Variants in MCTP1 observed in about 807,000 individuals in gnomAD.
MCTP1 encodes the protein multiple C2 and transmembrane domain containing 1, also known as multiple C2 and transmembrane domain-containing protein 1.
A neutral mutation model predicts 120.6 loss-of-function variants in MCTP1; 69 were observed. The ratio of observed to expected loss-of-function variants is 0.57; its 90% confidence interval spans 0.47 to 0.70. The LOEUF (loss-of-function observed/expected upper bound fraction) is 0.70. MCTP1 is among the 30% of genes least tolerant of loss of function. The probability of loss-of-function intolerance (pLI) is 0.00; values close to 1 mark genes in which losing one functional copy is unlikely to be tolerated. For missense variants in MCTP1, 1,203 were observed against 1,248.8 expected, an observed-to-expected ratio of 0.96 and a Z score of 0.55; for synonymous variants, 529 against 493.1, an observed-to-expected ratio of 1.07 and a Z score of -0.96.
At chr5:94,777,249 G>A (rs115523801) in intron 19 of MCTP1, among the ~76,000 whole-genome samples, 2,011 of 152,178 alleles carry the variant, frequency 0.013, 53 homozygotes, top group Admixed American at 0.057. Context: ...GTTAGAAGCA[G>A]GGTGTCAATT....
intron 2 of MCTP1, among the ~76,000 whole-genome samples, chr5:94,986,124 A>G (rs1830385103): frequency 6.6e-6 from 1 of 152,180 alleles, no homozygotes; most frequent in South Asian, 2.1e-4. Context: ...AGCATTTGAA[A>G]AGCATTGTTT....
intron 1 of MCTP1, among the ~76,000 whole-genome samples, chr5:95,142,958 A>G (rs186426292): frequency 6.6e-6 from 1 of 152,370 alleles, no homozygotes; most frequent in Admixed American, 6.5e-5. Flanking sequence ...TATAAACTAT[A>G]AACACCACTG....
chr5:94,704,767 C>CAT lies in MCTP1; in HGVS notation c.*2727_*2728dup, dbSNP rs921387297. The CAT allele has an allele frequency of 8.6e-5, 13 of 150,550 alleles. No individual in the cohort carries two copies. Among genetic ancestry groups the CAT allele is most frequent in the African/African-American group, 3.2e-4 (13 of 41,252 alleles). The allele number at this position is 150,550 out of a possible 1,614,324, so 9.3% of individuals were successfully genotyped here. A position where few individuals can be genotyped will look rare whatever the true frequency, so the allele number is the denominator to read the frequency against. The stretch of plus-strand genomic sequence containing the variant: ...TCTCCCAACTCAGATTATCCTAGTG[C>CAT]ATATAGAATGTTCAAAAACTGATTG... On this transcript the variant is annotated 3_prime_UTR_variant, in exon 23 of 23. Transcript: ENST00000515393.
intron 18 of MCTP1, among the ~76,000 whole-genome samples, chr5:94,790,037 C>T (rs1778557644): frequency 6.6e-6 from 1 of 151,982 alleles, no homozygotes; most frequent in Non-Finnish European, 1.5e-5. Context: ...TGAGGAGGAC[C>T]CACAGTGAGC....
intron 10 of MCTP1, among the ~76,000 whole-genome samples, chr5:94,902,755 A>T (rs1167727081): frequency 6.6e-6 from 1 of 152,160 alleles, no homozygotes; most frequent in Non-Finnish European, 1.5e-5. Flanking sequence ...GACATCACAA[A>T]ATGCTAAATG....
At chr5:94,979,055 C>T (rs1393909834) in intron 2 of MCTP1, 1 of 152,006 alleles carries the variant, frequency 6.6e-6, no homozygotes, top group African/African-American at 2.4e-5. Context: ...CCATTTCAGA[C>T]ATGGCCATAG....
At chr5:94,824,770 G>A (rs1786565666) in intron 17 of MCTP1, among the ~76,000 whole-genome samples, 1 of 152,152 alleles carries the variant, frequency 6.6e-6, no homozygotes, top group African/African-American at 2.4e-5. Flanking sequence ...TCTTGGGAGG[G>A]TGTATGTGTC....
chr5:94,785,611 TTAA>T (rs1000957335), intron 18 of MCTP1, among the ~76,000 whole-genome samples: 1 of 152,122 alleles, frequency 6.6e-6, no homozygotes, highest in Non-Finnish European at 1.5e-5. Flanking sequence ...ATTTTATACA[TTAA>T]TAACAGAGTA....
intron 1 of MCTP1, chr5:95,081,914 A>C: frequency 1.3e-6 from 1 of 778,986 alleles, no homozygotes; most frequent in Non-Finnish European, 1.6e-6. Context: ...GCACAAAGAA[A>C]ACTATTCTGC....
intron 19 of MCTP1, among the ~76,000 whole-genome samples, chr5:94,744,937 C>T (rs1199173826): frequency 6.6e-6 from 1 of 152,234 alleles, no homozygotes; most frequent in African/African-American, 2.4e-5. Flanking sequence ...CCTGCCTGTG[C>T]TGTGCAAACT....
At chr5:94,959,009 T>C (rs1823436990) in intron 2 of MCTP1, among the ~76,000 whole-genome samples, 1 of 152,048 alleles carries the variant, frequency 6.6e-6, no homozygotes, top group Non-Finnish European at 1.5e-5. Context: ...AACATTGATG[T>C]GAAAATCCTC....
At chr5:95,166,917 CTT>C (rs386404479) in intron 1 of MCTP1, among the ~76,000 whole-genome samples, 28 of 137,808 alleles carry the variant, frequency 2.0e-4, no homozygotes, top group East Asian at 2.2e-4. Flanking sequence ...CCTTTCTATT[CTT>C]TTTTTTTTTT....
intron 19 of MCTP1, among the ~76,000 whole-genome samples, chr5:94,736,951 T>G (rs536164607): frequency 1.3e-5 from 2 of 152,154 alleles, no homozygotes; most frequent in Non-Finnish European, 2.9e-5. Flanking sequence ...CCAACAGACA[T>G]GGAGACCCTG....
chr5:94,903,592 T>C (rs183604262), intron 10 of MCTP1, among the ~76,000 whole-genome samples: 1 of 152,320 alleles, frequency 6.6e-6, no homozygotes, highest in East Asian at 1.9e-4. Flanking sequence ...TCTTATCATA[T>C]ACCATTAATA....
At chr5:94,883,182 A>G (rs12518206) in intron 12 of MCTP1, among the ~76,000 whole-genome samples, 11,175 of 152,262 alleles carry the variant, frequency 0.073, 426 homozygotes, top group Non-Finnish European at 0.085. Context: ...TTTATATAGT[A>G]TTAATACATT....
chr5:94,948,581 G>A (rs1819704076), intron 3 of MCTP1, among the ~76,000 whole-genome samples: 1 of 152,022 alleles, frequency 6.6e-6, no homozygotes, highest in Non-Finnish European at 1.5e-5. Flanking sequence ...CCTTGGTTTG[G>A]GTGCTCTATG....
intron 17 of MCTP1, among the ~76,000 whole-genome samples, chr5:94,858,984 A>T (rs1006659823): frequency 6.6e-6 from 1 of 151,592 alleles, no homozygotes; most frequent in Non-Finnish European, 1.5e-5. Flanking sequence ...TGACATTCCC[A>T]CTGTGGAGAA....
intron 12 of MCTP1, among the ~76,000 whole-genome samples, chr5:94,885,980 C>G (rs1192556364): frequency 6.6e-6 from 1 of 152,116 alleles, no homozygotes; most frequent in Non-Finnish European, 1.5e-5. Flanking sequence ...GAGTTAATCT[C>G]TTTTTTAAAT....
rs1458951104 is a variant in MCTP1 at position 94,707,531 on chromosome 5, T to A, written c.2965A>T (p.Ser989Cys). ...TTGTTTTTCTTTCTTTTATATGGGCTATGAGAAGGATCTGGTTTCAGTTCT... is the reference window on the plus strand; with the variant it reads ...TTGTTTTTCTTTCTTTTATATGGGCAATGAGAAGGATCTGGTTTCAGTTCT... ...YQELKPDPSH[S>C]PYKRKKNNLG Residue 989 changes from serine (S) to cysteine (C), a missense_variant, in exon 23 of 23, where the codon AGC (serine) becomes TGC (cysteine). Around this residue, in one of 2 missense-constraint regions of MCTP1, gnomAD observed 740 missense variants for 871.1 expected, o/e 0.85. Coordinates refer to ENST00000515393, the MANE Select transcript of MCTP1 (RefSeq NM_024717.7). The A allele has an allele frequency of 1.2e-6, 2 of 1,612,036 alleles. No individual in the cohort carries two copies. Among genetic ancestry groups the A allele is most frequent in the Non-Finnish European group, 1.7e-6 (2 of 1,178,626 alleles).
Sources: gnomAD v4.1 joint callset for allele counts (sites outside exome capture counted in the v4.1 genomes callset) on GRCh38, gnomAD v4.1.1 for gene constraint, gnomAD v4.1.1 regional missense constraint, MANE v1.5 for transcripts, NCBI Gene and HGNC (gene_info 2026-07-23, HGNC 2026-07-21) for gene names.